Variants in MACROD1 observed in about 807,000 individuals in gnomAD.
MACROD1 encodes ADP-ribose glycohydrolase MACROD1.
A neutral mutation model predicts 41.4 loss-of-function variants in MACROD1; 31 were observed. The ratio of observed to expected loss-of-function variants is 0.75; its 90% CI spans 0.56 to 1.01. The LOEUF is 1.01. Among genes scored for constraint, MACROD1 ranks in the 50% least tolerant of loss-of-function variants. MACROD1 has a pLI of 0.00. For synonymous variants in MACROD1, 252 were observed against 203.4 expected (o/e 1.24, Z -2.03); for missense variants, 473 against 460.0 (o/e 1.03, Z -0.26).
At chr11:64,161,494 G>A (rs1429243034) in intron 1 of MACROD1, among the ~76,000 whole-genome samples, 1 of 152,224 alleles carries the variant, frequency 6.6e-6, no homozygotes, top group Non-Finnish European at 1.5e-5. Flanking sequence ...TGCAGCACTT[G>A]ACTGTCAAAT....
intron 1 of MACROD1, among the ~76,000 whole-genome samples, chr11:64,157,282 C>T (rs1319538113): frequency 6.6e-6 from 1 of 152,016 alleles, no homozygotes; most frequent in Non-Finnish European, 1.5e-5. Context: ...TTAATAGAGA[C>T]GGGGTTTCAC....
chr11:64,124,686 T>C (rs1945150912), intron 3 of MACROD1, among the ~76,000 whole-genome samples: 1 of 151,850 alleles, frequency 6.6e-6, no homozygotes, highest in African/African-American at 2.4e-5. Flanking sequence ...CTGGTCTTTT[T>C]CTTTTTTTTT....
intron 3 of MACROD1, among the ~76,000 whole-genome samples, chr11:64,030,375 A>AT (rs1038768275): frequency 6.6e-6 from 1 of 152,132 alleles, no homozygotes; most frequent in African/African-American, 2.4e-5. Context: ...CTGTCCATTC[A>AT]TTCACCACAT....
At chr11:64,039,090 T>G (rs566513766) in intron 3 of MACROD1, among the ~76,000 whole-genome samples, 5 of 152,254 alleles carry the variant, frequency 3.3e-5, no homozygotes, top group Admixed American at 1.3e-4. Flanking sequence ...CCTCATCCCC[T>G]GCAGGCAGGG....
chr11:64,072,139 G>A (rs547416395), intron 3 of MACROD1, among the ~76,000 whole-genome samples: 32 of 152,356 alleles, frequency 2.1e-4, no homozygotes, highest in African/African-American at 7.0e-4. Context: ...GCAGCCAGGG[G>A]TGGGAGTGAG....
chr11:64,059,556 T>C (rs1372179920), intron 3 of MACROD1, among the ~76,000 whole-genome samples: 1 of 152,044 alleles, frequency 6.6e-6, no homozygotes, highest in African/African-American at 2.4e-5. Context: ...TCCACCCTCA[T>C]CTGGGGAACA....
intron 3 of MACROD1, among the ~76,000 whole-genome samples, chr11:64,142,576 G>A (rs1468695708): frequency 1.3e-5 from 2 of 152,180 alleles, no homozygotes; most frequent in Admixed American, 6.5e-5. Context: ...CAGACCCTGC[G>A]AGCCCACAAG....
chr11:64,004,124 G>C (rs952728246), intron 4 of MACROD1, among the ~76,000 whole-genome samples: 2 of 152,220 alleles, frequency 1.3e-5, no homozygotes, highest in Admixed American at 6.5e-5. Context: ...GCATCTCCCT[G>C]CTTTGCTGTG....
intron 5 of MACROD1, 26 bp from the exon 6 acceptor site, chr11:63,999,789 G>C (rs776247294): frequency 1.3e-6 from 2 of 1,594,774 alleles, no homozygotes; most frequent in Admixed American, 1.7e-5. Flanking sequence ...GGGTCAGACC[G>C]GCGGGGGTCT....
chr11:64,137,918 T>C (rs1220142872), intron 3 of MACROD1, among the ~76,000 whole-genome samples: 1 of 152,272 alleles, frequency 6.6e-6, no homozygotes, highest in East Asian at 1.9e-4. Context: ...TTACTGTTCC[T>C]ATTTTTCAGT....
At chr11:64,027,073 G>A (rs555942194) in intron 3 of MACROD1, among the ~76,000 whole-genome samples, 1 of 152,208 alleles carries the variant, frequency 6.6e-6, no homozygotes, top group South Asian at 2.1e-4. Context: ...CCCAAAGGCC[G>A]GCATGGCCTG....
At chr11:64,039,257 G>C (rs1332311817) in intron 3 of MACROD1, among the ~76,000 whole-genome samples, 1 of 152,134 alleles carries the variant, frequency 6.6e-6, no homozygotes, top group Non-Finnish European at 1.5e-5. Context: ...GGTGTGGCGA[G>C]GGTGCTAACT....
At chr11:64,094,283 T>C (rs573284990) in intron 3 of MACROD1, among the ~76,000 whole-genome samples, 1 of 152,192 alleles carries the variant, frequency 6.6e-6, no homozygotes, top group Admixed American at 6.5e-5. Flanking sequence ...ACAAAAAAAG[T>C]TAGCCGGGCA....
Position 63,998,701 on chromosome 11 carries a change from A to G in MACROD1, c.*31-14T>C. The G allele has an allele frequency of 7.3e-7, 1 of 1,376,620 alleles. No homozygotes were observed. Among genetic ancestry groups the G allele is most frequent in the African/African-American group, 1.5e-5 (1 of 66,806 alleles). 85.3% of individuals were successfully genotyped at this position (1,376,620 alleles called of 1,614,324 possible). ...CCGAAGGCGGGTCTGAGGGCAGAGC[A>G]GAGTCAGAGGTGTCTATGGGCGTCC... is the stretch of plus-strand genomic sequence containing the variant. On this transcript the variant is annotated splice_polypyrimidine_tract_variant and intron_variant, in intron 10 of 10. Coordinates refer to ENST00000255681, the MANE Select transcript of MACROD1 (RefSeq NM_014067.4).
chr11:64,030,885 T>TAA (rs35687023), intron 3 of MACROD1, among the ~76,000 whole-genome samples: 59 of 141,790 alleles, frequency 4.2e-4, no homozygotes, highest in African/African-American at 1.5e-3. Flanking sequence ...TCCTGTCTCT[T>TAA]AAAAAAAAAA....
intron 3 of MACROD1, among the ~76,000 whole-genome samples, chr11:64,106,960 T>A (rs1299752382): frequency 6.6e-6 from 1 of 152,214 alleles, no homozygotes; most frequent in African/African-American, 2.4e-5. Context: ...CTCGGCTCAC[T>A]GCAACCTCCG....
intron 3 of MACROD1, among the ~76,000 whole-genome samples, chr11:64,140,337 G>T (rs796570566): frequency 1.5e-4 from 23 of 152,376 alleles, no homozygotes; most frequent in African/African-American, 4.6e-4. Context: ...CAGGCTGCCT[G>T]CCCTGTGCCC....
chr11:64,151,373 C>T lies in MACROD1; in HGVS notation c.401-18G>A, dbSNP rs755646684. 27 of 1,593,424 alleles carry T rather than the reference C, an allele frequency of 1.7e-5. No homozygotes were observed. Among genetic ancestry groups the T allele is most frequent in the South Asian group, 4.4e-5 (4 of 90,750 alleles). On this transcript the variant is annotated intron_variant, in intron 2 of 10. Coordinates refer to ENST00000255681, the MANE Select transcript of MACROD1 (RefSeq NM_014067.4). Reference sequence around the variant, plus strand: ...AGCCACCCCTGGAACAAGTAGGGGCCGGGGAGGTCACAGCGAGGCTGCCCA... The same window carrying T: ...AGCCACCCCTGGAACAAGTAGGGGCTGGGGAGGTCACAGCGAGGCTGCCCA...
At chr11:64,013,618 G>T (rs1943043622) in intron 4 of MACROD1, among the ~76,000 whole-genome samples, 1 of 152,252 alleles carries the variant, frequency 6.6e-6, no homozygotes, top group African/African-American at 2.4e-5. Flanking sequence ...AGGGTGGTGG[G>T]CAGAAGAGAC....
Sources: gnomAD v4.1 joint callset for allele counts (sites outside exome capture counted in the v4.1 genomes callset) on GRCh38, gnomAD v4.1.1 for gene constraint, MANE v1.5 for transcripts, NCBI Gene and HGNC (gene_info 2026-07-23, HGNC 2026-07-21) for gene names.